Variants in RBM33 observed in about 807,000 individuals in gnomAD.
The protein encoded by RBM33 is RNA-binding protein 33.
A neutral mutation model predicts 132.6 loss-of-function variants in RBM33; 28 were observed. That is an observed-to-expected ratio of 0.21 (90% CI 0.16 to 0.29). RBM33 has a LOEUF of 0.29. Ranked by LOEUF, RBM33 falls within the 10% of genes least tolerant of loss-of-function variation. The pLI, the probability that RBM33 is intolerant of heterozygous loss-of-function variation, is 1.00. For missense variants in RBM33, 1,291 were observed against 1,518.5 expected, an observed-to-expected ratio of 0.85 and a Z score of 2.49; for synonymous variants, 634 against 593.0, an observed-to-expected ratio of 1.07 and a Z score of -1.01.
intron 9 of RBM33, among the ~76,000 whole-genome samples, chr7:155,721,019 T>C (rs966203568): frequency 2.0e-5 from 3 of 152,368 alleles, no homozygotes; most frequent in Non-Finnish European, 4.4e-5. Context: ...CCAGTTGTTA[T>C]GAAATTTGCA....
chr7:155,706,665 T>C (rs1328669178), intron 6 of RBM33, 195 bp from the exon 7 acceptor site: 5 of 547,528 alleles, frequency 9.1e-6, no homozygotes, highest in East Asian at 2.9e-5. Context: ...CCTGTTCTTA[T>C]TTATCAGATC....
Position 155,673,944 on chromosome 7 carries a change from T to TGTTTG in RBM33, c.171+1029_171+1030insGTTTG, listed in dbSNP as rs1563138306. Among the ~76,000 whole-genome samples, 164 of 86,434 alleles carry TGTTTG rather than the reference T, an allele frequency of 1.9e-3. 15 individuals are homozygous for TGTTTG. Among genetic ancestry groups the TGTTTG allele is most frequent in the South Asian group, 0.01 (20 of 1,938 alleles). The allele number at this position is 86,434 out of a possible 152,430, so 56.7% of individuals were successfully genotyped here. Reference sequence around the variant, plus strand: ...TATCAAGATAGTTTAGGCTTAGTTTTTTTTTTTTTTTTTTTTTTTTTTTTT... The same window carrying TGTTTG: ...TATCAAGATAGTTTAGGCTTAGTTTTGTTTGTTTTTTTTTTTTTTTTTTTTTTTTT... On this transcript the variant is annotated intron_variant, in intron 3 of 17. Coordinates refer to ENST00000401878, the MANE Select transcript of RBM33 (RefSeq NM_053043.3).
chr7:155,657,251 C>T (rs778204173), intron 1 of RBM33, among the ~76,000 whole-genome samples: 1 of 152,126 alleles, frequency 6.6e-6, no homozygotes, highest in East Asian at 1.9e-4. Flanking sequence ...GAAAGTGCTA[C>T]GTAGCACGAT....
chr7:155,658,788 A>G (rs944902137), intron 1 of RBM33, among the ~76,000 whole-genome samples: 2 of 152,222 alleles, frequency 1.3e-5, no homozygotes, highest in African/African-American at 4.8e-5. Context: ...TTCCAGTGGA[A>G]CAACTATTGA....
chr7:155,672,744 CAAAAAAAA>C (rs559042068), intron 2 of RBM33, 115 bp from the exon 3 acceptor site: 316 of 351,050 alleles, frequency 9.0e-4, no homozygotes, highest in South Asian at 1.6e-3. Context: ...GGCTTTGTCT[CAAAAAAAA>C]AAAAAAAAAA....
At position 155,645,089 on chromosome 7, in the gene RBM33, C is replaced by G. The variant is rs879192785; in HGVS notation, c.43+170C>G. The G allele has an allele frequency of 1.9e-5, 10 of 520,260 alleles. No individual in the cohort carries two copies. The South Asian group carries it at 2.3e-4, about 12-fold the overall frequency. The allele number at this position is 520,260 out of a possible 1,614,324, so 32.2% of individuals were successfully genotyped here. On this transcript the variant is annotated intron_variant, in intron 1 of 17. Transcript: ENST00000401878. Reference sequence around the variant, plus strand: ...CGCCTTCCCTCGCTATTGTCATTCTCCCTTTCTCGCTCCTCCTCTCCGCTG... The same window carrying G: ...CGCCTTCCCTCGCTATTGTCATTCTGCCTTTCTCGCTCCTCCTCTCCGCTG...
chr7:155,751,281 T>G (rs1204680251), intron 14 of RBM33, among the ~76,000 whole-genome samples: 1 of 152,210 alleles, frequency 6.6e-6, no homozygotes, highest in Non-Finnish European at 1.5e-5. Context: ...CACAAAAACC[T>G]TCTTTCCCAA....
At chr7:155,680,996 C>G in intron 5 of RBM33, 88 bp downstream of exon 5, 1 of 1,074,600 alleles carries the variant, frequency 9.3e-7, no homozygotes, top group East Asian at 2.5e-5. Context: ...TTTACCTCCC[C>G]TGGGAGGGAG....
chr7:155,768,264 C>G (rs1802288719), intron 16 of RBM33, among the ~76,000 whole-genome samples: 1 of 152,244 alleles, frequency 6.6e-6, no homozygotes, highest in Admixed American at 6.5e-5. Flanking sequence ...TTGAGTGAGG[C>G]TCAGAGCCTA....
chr7:155,675,049 A>G (rs949130647), intron 3 of RBM33, among the ~76,000 whole-genome samples: 5 of 152,284 alleles, frequency 3.3e-5, no homozygotes, highest in Admixed American at 1.3e-4. Flanking sequence ...GCTCACGCCT[A>G]TAATCCCAGC....
In RBM33 at chr7:155,738,227, G is replaced by C. The variant is rs777233777; in HGVS notation, c.1561G>C (p.Val521Leu). The part of the protein sequence containing the change: ...PAFNQQGQQP[V>L]FPRERPVRPA... ...ATTTAATCAGCAAGGACAGCAGCCAGTGTTCCCAAGAGAGCGGCCCGTACG... is the reference window on the plus strand; with the variant it reads ...ATTTAATCAGCAAGGACAGCAGCCACTGTTCCCAAGAGAGCGGCCCGTACG... The change falls in exon 11 of 18, where the codon GTG becomes CTG. Residue 521 changes from valine (V) to leucine (L), a missense_variant. Around this residue, in one of 7 missense-constraint regions of RBM33, gnomAD observed 841 missense variants for 912.0 expected, o/e 0.92. Transcript: ENST00000401878. 1 of 1,614,004 alleles carries C rather than the reference G, an allele frequency of 6.2e-7. No homozygotes were observed. The highest frequency in any genetic ancestry group is 8.5e-7 in the Non-Finnish European group (1 of 1,179,890).
Position 155,738,333 on chromosome 7 carries a change from C to T in RBM33, c.1667C>T (p.Pro556Leu). Residue 556 changes from proline to leucine, a missense_variant, in exon 11 of 18, where the codon CCT (proline) becomes CTT (leucine). Coordinates refer to ENST00000401878, the MANE Select transcript of RBM33 (RefSeq NM_053043.3). ...TCGGCAACCACACGGCCCTTCATTC[C>T]TCCTAGACAGCCGTTCCTGCCAGGC... ...PGSATTRPFIPPRQPFLPGPG... is the reference protein window; with the variant it reads ...PGSATTRPFILPRQPFLPGPG... 5 of 1,613,970 alleles carry T rather than the reference C, an allele frequency of 3.1e-6. No individual in the cohort carries two copies. Among genetic ancestry groups the T allele is most frequent in the Non-Finnish European group, 4.2e-6 (5 of 1,179,882 alleles).
At chr7:155,701,183 A>AT (rs377242156) in intron 6 of RBM33, 62 of 541,000 alleles carry the variant, frequency 1.1e-4, no homozygotes, top group African/African-American at 2.5e-4. Flanking sequence ...ATTAAAAAAA[A>AT]TTTTTTTTTG....
At chr7:155,673,430 G>GTA (rs1799005291) in intron 3 of RBM33, among the ~76,000 whole-genome samples, 2 of 149,146 alleles carry the variant, frequency 1.3e-5, no homozygotes, top group East Asian at 3.9e-4. Flanking sequence ...GTGTGTGTGT[G>GTA]TGTGTGTGTG....
chr7:155,761,192 G>A (rs1432490332), intron 14 of RBM33, among the ~76,000 whole-genome samples: 1 of 152,146 alleles, frequency 6.6e-6, no homozygotes, highest in East Asian at 1.9e-4. Flanking sequence ...TCCCTTTTCC[G>A]TGTTGCTAGA....
intron 9 of RBM33, among the ~76,000 whole-genome samples, chr7:155,728,233 T>C (rs1800849129): frequency 6.6e-6 from 1 of 152,180 alleles, no homozygotes; most frequent in Non-Finnish European, 1.5e-5. Flanking sequence ...TTCTTCCTGA[T>C]TGGACTGGAT....
At chr7:155,702,895 TATTA>T (rs1453386423) in intron 6 of RBM33, among the ~76,000 whole-genome samples, 1 of 151,538 alleles carries the variant, frequency 6.6e-6, no homozygotes, top group Non-Finnish European at 1.5e-5. Flanking sequence ...GTTCTAAGAC[TATTA>T]ATTCACTTGC....
chr7:155,647,028 T>C (rs2036122962), intron 1 of RBM33, among the ~76,000 whole-genome samples: 1 of 152,242 alleles, frequency 6.6e-6, no homozygotes, highest in South Asian at 2.1e-4. Context: ...TGGAGAAATA[T>C]TTACATTGGT....
At chr7:155,717,766 G>T (rs1170510865) in intron 8 of RBM33, among the ~76,000 whole-genome samples, 10 of 152,160 alleles carry the variant, frequency 6.6e-5, no homozygotes, top group African/African-American at 2.4e-4. Flanking sequence ...TCTATTATGA[G>T]ATACCTTTTT....
Sources: allele counts gnomAD v4.1 joint callset (sites outside exome capture counted in the v4.1 genomes callset), GRCh38; gene constraint gnomAD v4.1.1; regional missense constraint gnomAD v4.1.1; transcripts MANE v1.5; gene names NCBI Gene and HGNC (gene_info 2026-07-23, HGNC 2026-07-21).